Variants in KLHL22 observed in about 807,000 individuals in gnomAD.
The protein encoded by KLHL22 is kelch like family member 22.
In KLHL22, 18 loss-of-function variants were observed where a neutral mutation model predicts 60.7. That is an observed-to-expected ratio of 0.30 (90% CI 0.20 to 0.44). The LOEUF (loss-of-function observed/expected upper bound fraction) is 0.44, where lower values mean the gene tolerates loss of function less well. KLHL22 is among the 20% of genes least tolerant of loss of function. KLHL22 has a pLI of 1.00. For synonymous variants in KLHL22, 355 were observed against 354.5 expected (o/e 1.00, Z -0.01); for missense variants, 596 against 852.3 (o/e 0.70, Z 3.74).
chr22:20,479,042 T>C (rs2053457925), intron 2 of KLHL22, among the ~76,000 whole-genome samples: 2 of 151,498 alleles, frequency 1.3e-5, no homozygotes, highest in African/African-American at 4.8e-5. Context: ...GGAACAAGAA[T>C]TGCTTGAACC....
Position 20,462,276 on chromosome 22 carries a change from C to CAA in KLHL22, c.1112+2580_1112+2581dup, listed in dbSNP as rs361908. On this transcript the variant is annotated intron_variant, in intron 4 of 6. Transcript: ENST00000328879. ...TGGGCGACAGAACGAGACTCTGTCT[C>CAA]AAAAAAAAAAAAAAAAAAATTAAAT... is the stretch of plus-strand genomic sequence containing the variant. Among the ~76,000 whole-genome samples the CAA allele has an allele frequency of 2.7e-3, 312 of 113,940 alleles. 3 individuals carry two copies. The highest frequency in any genetic ancestry group is 4.8e-3 in the African/African-American group (139 of 28,822). 74.7% of individuals were successfully genotyped at this position (113,940 alleles called of 152,430 possible).
intron 4 of KLHL22, among the ~76,000 whole-genome samples, chr22:20,458,771 C>T (rs1317502628): frequency 6.6e-6 from 1 of 152,144 alleles, no homozygotes; most frequent in East Asian, 1.9e-4. Context: ...ACACACAAGG[C>T]TCTGGTCATC....
chr22:20,480,027 G>A (rs527858455), intron 2 of KLHL22, among the ~76,000 whole-genome samples: 37 of 152,160 alleles, frequency 2.4e-4, no homozygotes, highest in Non-Finnish European at 3.2e-4. Context: ...CCTTCAAAAT[G>A]AAGGAAATCA....
At position 20,483,344 on chromosome 22, in the gene KLHL22, G is replaced by A. The variant is rs1221611970; in HGVS notation, c.227+5641C>T. On this transcript the variant is annotated intron_variant, in intron 2 of 6. Transcript: ENST00000328879. ...TTCTTCCGAGCCAGCTCATCATATT[G>A]AGCCTGGATGTCTGCCACGATCTTG... 9.5e-6 allele frequency: 7 copies of A among 734,198 alleles called. No individual in the cohort carries two copies. The East Asian group carries it at 1.3e-4, about 13-fold the overall frequency. The allele number at this position is 734,198 out of a possible 1,614,324, so 45.5% of individuals were successfully genotyped here. A position where few individuals can be genotyped will look rare whatever the true frequency, so the allele number is the denominator to read the frequency against.
chr22:20,473,325 C>T (rs1339429179), intron 2 of KLHL22, among the ~76,000 whole-genome samples: 1 of 152,120 alleles, frequency 6.6e-6, no homozygotes, highest in Non-Finnish European at 1.5e-5. Flanking sequence ...TCAAGGCCCT[C>T]TGCTGGGCCG....
intron 2 of KLHL22, among the ~76,000 whole-genome samples, chr22:20,485,144 T>G (rs2053564694): frequency 6.6e-6 from 1 of 152,152 alleles, no homozygotes; most frequent in African/African-American, 2.4e-5. Context: ...TCTTTTATAA[T>G]TCACAGATGG....
intron 4 of KLHL22, 49 bp downstream of exon 4, chr22:20,464,809 A>T (rs1054497919): frequency 1.7e-6 from 2 of 1,188,486 alleles, no homozygotes; most frequent in Non-Finnish European, 2.4e-6. Flanking sequence ...TGACTTCCAC[A>T]CCCTCTCATC....
intron 5 of KLHL22, chr22:20,451,271 G>C: frequency 6.2e-7 from 1 of 1,605,918 alleles, no homozygotes; most frequent in South Asian, 1.1e-5. Context: ...TATGTCTCTG[G>C]AGGCTTTGAT....
Position 20,442,242 on chromosome 22 carries a change from A to G in KLHL22, c.1736T>C (p.Leu579Pro). The G allele has an allele frequency of 6.2e-7, 1 of 1,612,116 alleles. No individual in the cohort carries two copies. Among genetic ancestry groups the G allele is most frequent in the Non-Finnish European group, 8.5e-7 (1 of 1,178,946 alleles). ...CGCCAGGCCTGAGATGGAGTTGTCCAGCTGGGGCCCTTCCTCCCAGCAGTC... is the reference window on the plus strand; with the variant it reads ...CGCCAGGCCTGAGATGGAGTTGTCCGGCTGGGGCCCTTCCTCCCAGCAGTC... ...EKDCWEEGPQ[L>P]DNSISGLAAC... The change falls in exon 7 of 7, where the codon CTG becomes CCG. Residue 579 changes from leucine to proline, a missense_variant. Leu to Pro is a moderately conservative substitution (Grantham distance 98). Coordinates refer to ENST00000328879, the MANE Select transcript of KLHL22 (RefSeq NM_032775.4).
chr22:20,491,408 CT>C (rs2053687794), intron 1 of KLHL22: 1 of 152,222 alleles, frequency 6.6e-6, no homozygotes, highest in Non-Finnish European at 1.5e-5. Context: ...CTGCCTTGGC[CT>C]TTCCTGTCAC....
At chr22:20,449,953 CG>C (rs1438089516) in intron 5 of KLHL22, among the ~76,000 whole-genome samples, 1 of 152,180 alleles carries the variant, frequency 6.6e-6, no homozygotes, top group Non-Finnish European at 1.5e-5. Context: ...CCAGAGCCTC[CG>C]GGCCGGGGCG....
intron 1 of KLHL22, among the ~76,000 whole-genome samples, chr22:20,494,570 G>C (rs12160574): frequency 0.016 from 2,422 of 152,072 alleles, 69 homozygotes; most frequent in African/African-American, 0.055. Flanking sequence ...TAGTAGAGAC[G>C]GGGTTTCACC....
chr22:20,463,968 G>T (rs2053192196), intron 4 of KLHL22, among the ~76,000 whole-genome samples: 1 of 152,168 alleles, frequency 6.6e-6, no homozygotes, highest in Non-Finnish European at 1.5e-5. Flanking sequence ...CTAGCTCATG[G>T]CTGCTGGAAA....
intron 6 of KLHL22, among the ~76,000 whole-genome samples, 168 bp downstream of exon 6, chr22:20,446,275 G>A (rs1313061637): frequency 1.3e-5 from 2 of 152,218 alleles, no homozygotes; most frequent in Non-Finnish European, 2.9e-5. Flanking sequence ...GGGGGGAAAA[G>A]GGGGTGTATG....
intron 4 of KLHL22, among the ~76,000 whole-genome samples, chr22:20,464,364 C>A (rs2053198149): frequency 6.6e-6 from 1 of 152,176 alleles, no homozygotes; most frequent in Non-Finnish European, 1.5e-5. Flanking sequence ...TCAGGCACAG[C>A]AGCAGGAAGC....
intron 5 of KLHL22, chr22:20,450,804 C>T: frequency 6.8e-7 from 1 of 1,462,170 alleles, no homozygotes; most frequent in South Asian, 1.1e-5. Flanking sequence ...TGCTAACCCT[C>T]AGGTATATCA....
intron 5 of KLHL22, among the ~76,000 whole-genome samples, chr22:20,455,349 C>T (rs892424457): frequency 2.0e-5 from 3 of 152,222 alleles, no homozygotes; most frequent in Non-Finnish European, 4.4e-5. Flanking sequence ...GACCCAGGGC[C>T]AGCCTCGCTT....
At chr22:20,450,771 G>C in intron 5 of KLHL22, 1 of 1,338,028 alleles carries the variant, frequency 7.5e-7, no homozygotes, top group South Asian at 1.2e-5. Flanking sequence ...TGCCCAGCCT[G>C]CTACAGTATA....
intron 2 of KLHL22, among the ~76,000 whole-genome samples, chr22:20,484,784 G>A (rs980512737): frequency 4.7e-5 from 7 of 149,472 alleles, no homozygotes; most frequent in Admixed American, 6.7e-5. Context: ...TCATCCAAGC[G>A]AGAGTGCAGT....
Sources: allele counts gnomAD v4.1 joint callset (sites outside exome capture counted in the v4.1 genomes callset), GRCh38; gene constraint gnomAD v4.1.1; transcripts MANE v1.5; gene names NCBI Gene and HGNC (gene_info 2026-07-23, HGNC 2026-07-21).